CTNNA3: variants seen among roughly 807,000 people sequenced by gnomAD.
The protein encoded by CTNNA3 is catenin alpha 3.
CTNNA3 carries 76 observed loss-of-function variants against 95.7 expected under a neutral mutation model. That is an observed-to-expected ratio of 0.79 (90% CI 0.66 to 0.96). CTNNA3 has a LOEUF of 0.96. Among genes scored for constraint, CTNNA3 ranks in the 40% least tolerant of loss-of-function variants. The pLI is 0.00. For missense variants in CTNNA3, 1,191 were observed against 1,089.8 expected, an observed-to-expected ratio of 1.09 and a Z score of -1.31; for synonymous variants, 431 against 374.4, an observed-to-expected ratio of 1.15 and a Z score of -1.74.
rs556398257 is a variant in CTNNA3, at chr10:66,019,411, G to C, written c.2160-30614C>G. Among the ~76,000 whole-genome samples, 7 of 152,092 alleles carry C rather than the reference G, an allele frequency of 4.6e-5. No individual in the cohort carries two copies. The East Asian group carries it at 1.4e-3, about 29-fold the overall frequency. ...CCTATCTTTCGCTTGCCTTCATGTT[G>C]AAGGATATAGAATAGAAATGGGAAT... On this transcript the variant is annotated intron_variant, in intron 15 of 17. Transcript: ENST00000433211.
At chr10:67,642,014 CAAT>C (rs982698091) in intron 2 of CTNNA3, among the ~76,000 whole-genome samples, 3 of 151,578 alleles carry the variant, frequency 2.0e-5, no homozygotes, top group African/African-American at 7.3e-5. Context: ...AATAAAAAAA[CAAT>C]AATAATAATT....
chr10:66,541,211 C>T (rs1331615348), intron 10 of CTNNA3, among the ~76,000 whole-genome samples: 2 of 152,048 alleles, frequency 1.3e-5, no homozygotes, highest in Admixed American at 6.6e-5. Flanking sequence ...CAATTATTTT[C>T]TCTTAAGCCA....
In CTNNA3 at chr10:66,967,345, TAG is replaced by T. The variant is rs1317034218; in HGVS notation, c.1048-191823_1048-191822del. ...ATATGGATATAGACATATATATATA[TAG>T]ATAGATAGATAGATATATGTAGATA... On this transcript the variant is annotated intron_variant, in intron 7 of 17. Transcript: ENST00000433211. Among the ~76,000 whole-genome samples the T allele has an allele frequency of 7.9e-5, 7 of 88,548 alleles. No homozygotes were observed. In the South Asian group the frequency reaches 1.7e-3, roughly 22 times the overall value. 58.1% of individuals were successfully genotyped at this position (88,548 alleles called of 152,430 possible).
intron 15 of CTNNA3, among the ~76,000 whole-genome samples, chr10:66,044,894 C>T (rs1413056039): frequency 3.3e-5 from 5 of 152,072 alleles, no homozygotes; most frequent in African/African-American, 1.2e-4. Flanking sequence ...ATCTTCTTTC[C>T]TCATTTTAAT....
At chr10:67,617,254 C>G (rs1843684654) in intron 2 of CTNNA3, among the ~76,000 whole-genome samples, 1 of 152,116 alleles carries the variant, frequency 6.6e-6, no homozygotes, top group African/African-American at 2.4e-5. Context: ...ATGATTCTCT[C>G]CCTCCACCCT....
intron 14 of CTNNA3, among the ~76,000 whole-genome samples, chr10:66,101,934 C>A (rs188956780): frequency 6.6e-6 from 1 of 152,130 alleles, no homozygotes; most frequent in African/African-American, 2.4e-5. Flanking sequence ...TTCCACAAGC[C>A]ATAGATTACA....
chr10:67,215,034 G>A (rs148251371), intron 6 of CTNNA3, among the ~76,000 whole-genome samples: 192 of 151,948 alleles, frequency 1.3e-3, no homozygotes, highest in African/African-American at 4.5e-3. Flanking sequence ...CTTCTGAATT[G>A]TATATTATAA....
intron 6 of CTNNA3, among the ~76,000 whole-genome samples, chr10:67,204,936 A>G (rs2394351): frequency 0.064 from 9,774 of 152,208 alleles, 476 homozygotes; most frequent in African/African-American, 0.13. Flanking sequence ...TCAAAAGGCC[A>G]ATCTTAGGCT....
At chr10:66,694,439 AT>A (rs1220831252) in intron 9 of CTNNA3, among the ~76,000 whole-genome samples, 2 of 152,184 alleles carry the variant, frequency 1.3e-5, no homozygotes, top group Non-Finnish European at 2.9e-5. Context: ...GAATACACCA[AT>A]AACAGGCTCT....
intron 7 of CTNNA3, among the ~76,000 whole-genome samples, chr10:67,091,171 G>A (rs866539711): frequency 3.3e-5 from 5 of 151,856 alleles, no homozygotes; most frequent in African/African-American, 4.8e-5. Flanking sequence ...ATCAAATTGC[G>A]CATACCTTAG....
chr10:67,381,116 T>C (rs753403164), intron 5 of CTNNA3, among the ~76,000 whole-genome samples: 15 of 152,170 alleles, frequency 9.9e-5, no homozygotes, highest in Non-Finnish European at 1.9e-4. Context: ...TCTACAGATA[T>C]GAACTGAAGA....
chr10:66,747,790 T>C (rs1838948885), intron 9 of CTNNA3, among the ~76,000 whole-genome samples: 1 of 152,184 alleles, frequency 6.6e-6, no homozygotes, highest in Admixed American at 6.5e-5. Flanking sequence ...GAAGGTATCC[T>C]AGAAACAAGC....
chr10:66,052,753 G>A (rs764163834), intron 15 of CTNNA3, among the ~76,000 whole-genome samples: 6 of 152,084 alleles, frequency 3.9e-5, no homozygotes, highest in East Asian at 1.9e-4. Flanking sequence ...CATGAGAGAC[G>A]GAGAGATCAA....
chr10:67,051,969 G>C (rs951245748), intron 7 of CTNNA3, among the ~76,000 whole-genome samples: 1 of 149,050 alleles, frequency 6.7e-6, no homozygotes, highest in Non-Finnish European at 1.5e-5. Context: ...TGGCCAGGCT[G>C]GTCTCAAACT....
chr10:67,704,764 A>T (rs1280811142), intron 1 of CTNNA3, among the ~76,000 whole-genome samples: 1 of 152,230 alleles, frequency 6.6e-6, no homozygotes, highest in African/African-American at 2.4e-5. Flanking sequence ...AACAAAAGCC[A>T]AAATTGACAA....
At chr10:67,314,186 T>C (rs1052702036) in intron 5 of CTNNA3, among the ~76,000 whole-genome samples, 9 of 152,180 alleles carry the variant, frequency 5.9e-5, no homozygotes, top group Admixed American at 2.0e-4. Flanking sequence ...AGTATAGGCA[T>C]TTAATAATTA....
At chr10:66,458,621 T>G (rs547193436) in intron 11 of CTNNA3, among the ~76,000 whole-genome samples, 1 of 152,164 alleles carries the variant, frequency 6.6e-6, no homozygotes, top group Non-Finnish European at 1.5e-5. Context: ...CACTATTCTA[T>G]TTTCTGCCTC....
intron 11 of CTNNA3, among the ~76,000 whole-genome samples, chr10:66,420,228 T>C (rs766578488): frequency 6.6e-6 from 1 of 152,078 alleles, no homozygotes; most frequent in Non-Finnish European, 1.5e-5. Flanking sequence ...AGAACATTAA[T>C]AGATAATTCC....
rs116008114 is a variant in CTNNA3, at chr10:66,146,176, T to C, written c.1885-42927A>G. On this transcript the variant is annotated intron_variant, in intron 13 of 17. Transcript: ENST00000433211. ...CGAAGTGGCTTTTTTATATCTCAGC[T>C]TTATACTATGAGGTGAAAATTTGAG... 9.3e-3 allele frequency among the ~76,000 whole-genome samples: 1,409 copies of C among 152,226 alleles called. 27 individuals are homozygous for C. The highest frequency in any genetic ancestry group is 0.032 in the African/African-American group (1,332 of 41,552).
Sources: gnomAD v4.1 joint callset for allele counts (sites outside exome capture counted in the v4.1 genomes callset) on GRCh38, gnomAD v4.1.1 for gene constraint, MANE v1.5 for transcripts, NCBI Gene and HGNC (gene_info 2026-07-23, HGNC 2026-07-21) for gene names.